The following MYO5A variants were observed in gnomAD, a reference collection of about 807,000 sequenced individuals.
MYO5A encodes the protein unconventional myosin-Va.
In MYO5A, 98 loss-of-function variants were observed where a neutral mutation model predicts 249.7. The observed-to-expected ratio is 0.39, with a 90% CI of 0.33 to 0.46. The LOEUF is 0.46. Ranked by LOEUF, MYO5A falls within the 20% of genes least tolerant of loss-of-function variation. MYO5A has a pLI of 0.98. For missense variants in MYO5A, 1,696 were observed against 2,308.8 expected (o/e 0.73, Z 5.44); for synonymous variants, 778 against 810.6 (o/e 0.96, Z 0.68).
At chr15:52,498,770 G>C (rs1434573359) in intron 1 of MYO5A, among the ~76,000 whole-genome samples, 1 of 152,176 alleles carries the variant, frequency 6.6e-6, no homozygotes, top group Non-Finnish European at 1.5e-5. Context: ...TTGTTGTAGA[G>C]AGCTTGAAAC....
intron 29 of MYO5A, 33 bp downstream of exon 29, chr15:52,348,785 G>C: frequency 1.5e-6 from 2 of 1,378,658 alleles, no homozygotes; most frequent in East Asian, 2.6e-5. Context: ...TTAAATAGAA[G>C]TATTTACTAA....
rs113539333 is a variant in MYO5A at position 52,307,827 on chromosome 15, G to A, written c.*5869C>T. ...CTCATTTTTGCGCAACACTGTTAGCGCAATTTAAATCTCCCAAAGACACAA... is the reference window on the plus strand; with the variant it reads ...CTCATTTTTGCGCAACACTGTTAGCACAATTTAAATCTCCCAAAGACACAA... On this transcript the variant is annotated 3_prime_UTR_variant, in exon 42 of 42. Transcript: ENST00000399233. The A allele has an allele frequency of 8.6e-5, 13 of 151,918 alleles. No individual in the cohort carries two copies. The highest frequency in any genetic ancestry group is 1.8e-4 in the Non-Finnish European group (12 of 67,956). 9.4% of individuals were successfully genotyped at this position (151,918 alleles called of 1,614,324 possible). A position where few individuals can be genotyped will look rare whatever the true frequency, so the allele number is the denominator to read the frequency against.
At chr15:52,441,293 A>C (rs1413908821) in intron 1 of MYO5A, among the ~76,000 whole-genome samples, 1 of 152,136 alleles carries the variant, frequency 6.6e-6, no homozygotes, top group African/African-American at 2.4e-5. Context: ...ATTTGTTATG[A>C]AATATGTCAT....
intron 1 of MYO5A, among the ~76,000 whole-genome samples, chr15:52,436,986 G>A (rs2075678313): frequency 1.3e-5 from 2 of 152,160 alleles, no homozygotes; most frequent in South Asian, 4.1e-4. Flanking sequence ...AAAGGCTTAC[G>A]CACATAGAAA....
chr15:52,416,991 G>A (rs2141255294), intron 4 of MYO5A, among the ~76,000 whole-genome samples: 1 of 152,316 alleles, frequency 6.6e-6, no homozygotes, highest in African/African-American at 2.4e-5. Flanking sequence ...ACTTGGCAAT[G>A]TGATTAACAT....
At chr15:52,473,415 A>T (rs932923572) in intron 1 of MYO5A, among the ~76,000 whole-genome samples, 3 of 152,068 alleles carry the variant, frequency 2.0e-5, no homozygotes, top group Non-Finnish European at 2.9e-5. Context: ...CCCATTTGTC[A>T]ATTTTGGCTT....
At chr15:52,433,324 A>G (rs746573748) in intron 1 of MYO5A, 39 bp from the exon 2 acceptor site, 16 of 1,224,914 alleles carry the variant, frequency 1.3e-5, no homozygotes, top group Non-Finnish European at 1.7e-5. Context: ...CTAGCAAATC[A>G]ATTATTTTAC....
intron 33 of MYO5A, 76 bp from the exon 34 acceptor site, chr15:52,336,632 A>T: frequency 9.3e-7 from 1 of 1,074,462 alleles, no homozygotes; most frequent in South Asian, 1.4e-5. Context: ...AAATAGACAC[A>T]ATATCACAGA....
intron 1 of MYO5A, among the ~76,000 whole-genome samples, chr15:52,448,456 G>A (rs1298923761): frequency 6.6e-6 from 1 of 152,176 alleles, no homozygotes; most frequent in Admixed American, 6.5e-5. Context: ...ATAGGCAAAA[G>A]GGACTAGCCT....
chr15:52,394,073 AAGAG>A (rs2042379360), intron 11 of MYO5A, among the ~76,000 whole-genome samples: 1 of 152,216 alleles, frequency 6.6e-6, no homozygotes, highest in Non-Finnish European at 1.5e-5. Context: ...TCAATATGGC[AAGAG>A]ATTCTTGGTC....
rs373825708 is a variant in MYO5A at position 52,370,285 on chromosome 15, G to A, written c.2950C>T (p.Arg984Trp). The A allele has an allele frequency of 1.7e-5, 28 of 1,613,938 alleles. No homozygotes were observed. In the Admixed American group the frequency reaches 2.2e-4, roughly 12 times the overall value. Residue 984 changes from arginine to tryptophan, a missense_variant, in exon 22 of 42, where the codon CGG (arginine) becomes TGG (tryptophan). Arg to Trp is a moderately radical substitution (Grantham distance 101). Around this residue, in one of 5 missense-constraint regions of MYO5A, gnomAD observed 412 missense variants for 453.3 expected, o/e 0.91. Coordinates refer to ENST00000399233, the MANE Select transcript of MYO5A (RefSeq NM_001382347.1). Reference protein sequence around the residue: ...SEEEAKVATGRVLSLQEEIAK... With the variant: ...SEEEAKVATGWVLSLQEEIAK... ...ATTTCTTCCTGCAGACTAAGGACCC[G>A]CCCAGTGGCAACTTTCGCTTCCTCT...
At chr15:52,498,625 T>C (rs958604466) in intron 1 of MYO5A, among the ~76,000 whole-genome samples, 2 of 152,212 alleles carry the variant, frequency 1.3e-5, no homozygotes, top group African/African-American at 2.4e-5. Context: ...GTGTTTTCTA[T>C]TCTTCTATTA....
chr15:52,371,983 C>A (rs1214164990), intron 21 of MYO5A, 141 bp downstream of exon 21: 36 of 1,176,914 alleles, frequency 3.1e-5, no homozygotes, highest in Non-Finnish European at 4.3e-5. Context: ...TACTTCCATG[C>A]CCATTATGGA....
intron 28 of MYO5A, among the ~76,000 whole-genome samples, chr15:52,350,784 A>T (rs764107032): frequency 6.6e-5 from 10 of 152,162 alleles, no homozygotes; most frequent in Non-Finnish European, 1.5e-4. Context: ...TACTAAACAG[A>T]ACTGCCTAAA....
Position 52,317,094 on chromosome 15 carries a change from T to C in MYO5A, c.5363A>G (p.Asp1788Gly). 1.2e-6 allele frequency: 2 copies of C among 1,614,178 alleles called. No individual in the cohort carries two copies. Among genetic ancestry groups the C allele is most frequent in the African/African-American group, 2.7e-5 (2 of 75,056 alleles). ...LLQVKKKTDD[D>G]AEAICSMCNA... is the part of the protein sequence containing the mutation. ...GCACATAGAACAAATGGCTTCTGCA[T>C]CATCATCTGTTTTCTTTTTCACTTG... is the stretch of plus-strand genomic sequence containing the variant. Residue 1788 changes from aspartate (D) to glycine (G), a missense_variant, in exon 40 of 42, where the codon GAT (aspartate) becomes GGT (glycine). Transcript: ENST00000399233.
intron 13 of MYO5A, among the ~76,000 whole-genome samples, chr15:52,388,535 G>A (rs1326991276): frequency 6.6e-6 from 1 of 152,148 alleles, no homozygotes; most frequent in African/African-American, 2.4e-5. Context: ...CTTCTAGATG[G>A]AATTAGGGCA....
At chr15:52,405,891 A>C (rs2042983841) in intron 8 of MYO5A, among the ~76,000 whole-genome samples, 1 of 152,234 alleles carries the variant, frequency 6.6e-6, no homozygotes, top group African/African-American at 2.4e-5. Flanking sequence ...AGCCCAATAA[A>C]GCTGTTACTT....
chr15:52,408,326 G>C (rs569829044), intron 6 of MYO5A, among the ~76,000 whole-genome samples, 186 bp from the exon 7 acceptor site: 1 of 152,098 alleles, frequency 6.6e-6, no homozygotes, highest in South Asian at 2.1e-4. Context: ...ATATGTATGA[G>C]TATGTGTGTG....
chr15:52,459,475 C>A (rs1481046677), intron 1 of MYO5A, among the ~76,000 whole-genome samples: 1 of 152,048 alleles, frequency 6.6e-6, no homozygotes, highest in African/African-American at 2.4e-5. Flanking sequence ...TCAGAGAGCA[C>A]GGGGTTGGCG....
Sources: gnomAD v4.1 joint callset for allele counts (sites outside exome capture counted in the v4.1 genomes callset) on GRCh38, gnomAD v4.1.1 for gene constraint, gnomAD v4.1.1 regional missense constraint, MANE v1.5 for transcripts, NCBI Gene and HGNC (gene_info 2026-07-23, HGNC 2026-07-21) for gene names.